The following NKAIN2 variants were observed in gnomAD, a reference collection of about 807,000 sequenced individuals.
The protein encoded by NKAIN2 is sodium/potassium transporting ATPase interacting 2.
Under a neutral mutation model 32.6 loss-of-function variants are expected in NKAIN2, and 14 were observed. The observed-to-expected ratio is 0.43, with a 90% CI of 0.28 to 0.67. The LOEUF (loss-of-function observed/expected upper bound fraction) is 0.67, where lower values mean the gene tolerates loss of function less well. Ranked by LOEUF, NKAIN2 falls within the 30% of genes least tolerant of loss-of-function variation. The probability of loss-of-function intolerance (pLI) is 0.17; values close to 1 mark genes in which losing one functional copy is unlikely to be tolerated. For synonymous variants in NKAIN2, 80 were observed against 87.2 expected (o/e 0.92, Z 0.46); for missense variants, 198 against 258.3 (o/e 0.77, Z 1.60).
chr6:124,818,520 T>A (rs1399894916), intron 6 of NKAIN2, 52 bp downstream of exon 6: 1 of 791,472 alleles, frequency 1.3e-6, no homozygotes, highest in Non-Finnish European at 2.1e-6. Flanking sequence ...GATAATCAAG[T>A]AACTGTATCA....
intron 3 of NKAIN2, among the ~76,000 whole-genome samples, chr6:124,388,717 T>A (rs1773019041): frequency 6.6e-6 from 1 of 152,256 alleles, no homozygotes; most frequent in Non-Finnish European, 1.5e-5. Context: ...AAGAAAAATT[T>A]GAGCCTTTTA....
chr6:124,294,402 T>A (rs1326823071), intron 2 of NKAIN2, among the ~76,000 whole-genome samples: 1 of 151,732 alleles, frequency 6.6e-6, no homozygotes, highest in East Asian at 1.9e-4. Flanking sequence ...CACAGTCTGT[T>A]TGTCAAATAA....
chr6:124,027,906 C>G (rs1168224582), intron 1 of NKAIN2, among the ~76,000 whole-genome samples: 1 of 152,052 alleles, frequency 6.6e-6, no homozygotes, highest in East Asian at 1.9e-4. Context: ...TTCACTTAAT[C>G]AAAATGTGTG....
intron 4 of NKAIN2, among the ~76,000 whole-genome samples, chr6:124,778,926 T>A (rs879689789): frequency 2.0e-5 from 3 of 152,078 alleles, no homozygotes; most frequent in Admixed American, 2.0e-4. Flanking sequence ...ATGAGGAGAA[T>A]TAATATATTT....
chr6:124,604,228 G>A (rs1452727896), intron 3 of NKAIN2, among the ~76,000 whole-genome samples: 1 of 151,810 alleles, frequency 6.6e-6, no homozygotes, highest in Non-Finnish European at 1.5e-5. Context: ...ATCCATAAGT[G>A]AATCATATAC....
chr6:123,899,679 C>T (rs1774463009), intron 1 of NKAIN2, among the ~76,000 whole-genome samples: 1 of 152,194 alleles, frequency 6.6e-6, no homozygotes, highest in African/African-American at 2.4e-5. Context: ...TCTGAAATGA[C>T]AGGCTCTCAG....
chr6:124,591,032 T>C (rs1284140565), intron 3 of NKAIN2, among the ~76,000 whole-genome samples: 4 of 152,252 alleles, frequency 2.6e-5, no homozygotes, highest in Non-Finnish European at 5.9e-5. Flanking sequence ...AGGTGGGGTT[T>C]AGGAGCCCGA....
intron 3 of NKAIN2, among the ~76,000 whole-genome samples, chr6:124,454,818 G>T (rs1381247151): frequency 6.6e-6 from 1 of 151,970 alleles, no homozygotes; most frequent in Non-Finnish European, 1.5e-5. Flanking sequence ...GCTTCTTTCA[G>T]GACTACTTAA....
chr6:124,511,962 A>G (rs1235711332), intron 3 of NKAIN2, among the ~76,000 whole-genome samples: 5 of 152,188 alleles, frequency 3.3e-5, no homozygotes, highest in African/African-American at 9.7e-5. Context: ...GTATTTATAA[A>G]ACTATTCATA....
chr6:123,900,332 G>A (rs1774500371), intron 1 of NKAIN2, among the ~76,000 whole-genome samples: 1 of 151,608 alleles, frequency 6.6e-6, no homozygotes, highest in Non-Finnish European at 1.5e-5. Context: ...TATTAGCTAG[G>A]CACGGTGGCA....
intron 1 of NKAIN2, among the ~76,000 whole-genome samples, chr6:123,982,392 G>T (rs1778940056): frequency 6.6e-6 from 1 of 152,154 alleles, no homozygotes; most frequent in African/African-American, 2.4e-5. Context: ...GTGACTTTAG[G>T]TTAGATGTTA....
chr6:124,487,366 T>C (rs1777692814), intron 3 of NKAIN2, among the ~76,000 whole-genome samples: 1 of 152,176 alleles, frequency 6.6e-6, no homozygotes, highest in South Asian at 2.1e-4. Context: ...TTTGGTCCAG[T>C]AAAAGTCGCT....
chr6:124,158,129 A>T (rs1012402831), intron 1 of NKAIN2, among the ~76,000 whole-genome samples: 2 of 152,204 alleles, frequency 1.3e-5, no homozygotes, highest in African/African-American at 2.4e-5. Flanking sequence ...ATTTTCTCAC[A>T]GTTCAAATGT....
intron 1 of NKAIN2, among the ~76,000 whole-genome samples, chr6:123,805,059 C>T (rs1773159415): frequency 6.6e-6 from 1 of 152,062 alleles, no homozygotes; most frequent in African/African-American, 2.4e-5. Flanking sequence ...TAATGGAAAA[C>T]GTCATGTCTC....
At chr6:124,643,514 C>T (rs565545407) in intron 3 of NKAIN2, among the ~76,000 whole-genome samples, 65 of 152,158 alleles carry the variant, frequency 4.3e-4, no homozygotes, top group Non-Finnish European at 8.1e-4. Flanking sequence ...TTTCTTATAT[C>T]GGTATATTTT....
chr6:124,252,513 A>G (rs1295054370), intron 1 of NKAIN2, among the ~76,000 whole-genome samples: 4 of 152,110 alleles, frequency 2.6e-5, no homozygotes, highest in Non-Finnish European at 5.9e-5. Flanking sequence ...CTTCTAACTT[A>G]CTGGCTATAT....
chr6:124,379,973 T>A (rs7771133), intron 3 of NKAIN2, among the ~76,000 whole-genome samples: 103,900 of 151,986 alleles, frequency 0.68, 35,883 homozygotes, highest in African/African-American at 0.77. Flanking sequence ...GATCAGGCAC[T>A]AGAAGGGAGG....
chr6:124,659,819 G>A (rs1054208117), intron 4 of NKAIN2, among the ~76,000 whole-genome samples: 10 of 151,846 alleles, frequency 6.6e-5, no homozygotes, highest in African/African-American at 2.2e-4. Flanking sequence ...ATCACAGAAT[G>A]GACAGTAAAG....
At chr6:124,230,731 A>T (rs1198507955) in intron 1 of NKAIN2, among the ~76,000 whole-genome samples, 1 of 152,138 alleles carries the variant, frequency 6.6e-6, no homozygotes, top group African/African-American at 2.4e-5. Context: ...CGAAGTTAAG[A>T]ATTGGAGTTT....
Sources: allele counts gnomAD v4.1 joint callset (sites outside exome capture counted in the v4.1 genomes callset), GRCh38; gene constraint gnomAD v4.1.1; transcripts MANE v1.5; gene names NCBI Gene and HGNC (gene_info 2026-07-23, HGNC 2026-07-21).